GYS2: variants seen among roughly 807,000 people sequenced by gnomAD.
GYS2 encodes the protein glycogen synthase 2.
Under a neutral mutation model 85.6 loss-of-function variants are expected in GYS2, and 80 were observed. The observed-to-expected ratio is 0.93, with a 90% CI of 0.78 to 1.13. The LOEUF (loss-of-function observed/expected upper bound fraction) is 1.13. Ranked by LOEUF, GYS2 falls within the 50% of genes most tolerant of loss-of-function variation. The probability of loss-of-function intolerance (pLI) is 0.00; values close to 1 mark genes in which losing one functional copy is unlikely to be tolerated. For synonymous variants in GYS2, 328 were observed against 300.7 expected, an observed-to-expected ratio of 1.09 and a Z score of -0.94; for missense variants, 881 against 854.9, an observed-to-expected ratio of 1.03 and a Z score of -0.38.
At chr12:21,570,151 C>A (rs552072819) in intron 4 of GYS2, among the ~76,000 whole-genome samples, 1 of 152,304 alleles carries the variant, frequency 6.6e-6, no homozygotes, top group South Asian at 2.1e-4. Flanking sequence ...AGCATTCTTT[C>A]ATGACTGTAA....
chr12:21,546,933 G>GA (rs1944048553), intron 11 of GYS2, among the ~76,000 whole-genome samples: 1 of 152,170 alleles, frequency 6.6e-6, no homozygotes, highest in South Asian at 2.1e-4. Context: ...AAGGGACAGG[G>GA]AAGATGTTCT....
chr12:21,543,764 C>T (rs549252020), intron 12 of GYS2, among the ~76,000 whole-genome samples: 1 of 152,232 alleles, frequency 6.6e-6, no homozygotes, highest in East Asian at 1.9e-4. Context: ...CCCGACAGGC[C>T]CCGATGTGTG....
At position 21,562,601 on chromosome 12, in the gene GYS2, T is replaced by C. The variant is rs1479513981; in HGVS notation, c.1062+317A>G. ...CTTTTCAATTGATTACAAACTCATGTGAGGGAAAAGGGATGTTATAATGAC... is the reference window on the plus strand; with the variant it reads ...CTTTTCAATTGATTACAAACTCATGCGAGGGAAAAGGGATGTTATAATGAC... On this transcript the variant is annotated intron_variant, in intron 7 of 15. Coordinates refer to ENST00000261195, the MANE Select transcript of GYS2 (RefSeq NM_021957.4). 3.4e-5 allele frequency among the ~76,000 whole-genome samples: 5 copies of C among 148,538 alleles called. No homozygotes were observed. In the Admixed American group the frequency reaches 3.4e-4, roughly 10 times the overall value.
chr12:21,567,984 A>G (rs1196966415), intron 5 of GYS2, among the ~76,000 whole-genome samples: 1 of 151,796 alleles, frequency 6.6e-6, no homozygotes, highest in Non-Finnish European at 1.5e-5. Flanking sequence ...GAGGCAGAGA[A>G]TTGCTTGAAC....
chr12:21,556,647 A>T (rs1229000916), intron 11 of GYS2, among the ~76,000 whole-genome samples: 1 of 152,194 alleles, frequency 6.6e-6, no homozygotes, highest in Non-Finnish European at 1.5e-5. Context: ...TTAATCAGAA[A>T]CCGAACTCAG....
chr12:21,569,456 G>C (rs1037803160), intron 4 of GYS2, among the ~76,000 whole-genome samples: 5 of 152,152 alleles, frequency 3.3e-5, no homozygotes, highest in Non-Finnish European at 5.9e-5. Flanking sequence ...TTCACTGAAA[G>C]GGAACCTGAA....
chr12:21,579,223 G>C (rs1021042947), intron 2 of GYS2, among the ~76,000 whole-genome samples: 8 of 152,080 alleles, frequency 5.3e-5, no homozygotes, highest in Non-Finnish European at 1.2e-4. Flanking sequence ...TAGCCTAGTG[G>C]CTTAAAACAA....
Position 21,536,404 on chromosome 12 carries a change from A to G in GYS2, c.*550T>C, listed in dbSNP as rs564113212. 1 of 157,684 alleles carries G rather than the reference A, an allele frequency of 6.3e-6. No homozygotes were observed. The highest frequency in any genetic ancestry group is 1.9e-4 in the East Asian group (1 of 5,382). The allele number at this position is 157,684 out of a possible 1,614,324, so 9.8% of individuals were successfully genotyped here. ...AATGTCCATTAATATGCATCAAAAT[A>G]TGGACTTAGGATAGCTATTCACTCA... is the stretch of plus-strand genomic sequence containing the variant. On this transcript the variant is annotated 3_prime_UTR_variant, in exon 16 of 16. Transcript: ENST00000261195.
chr12:21,574,498 T>C (rs955030812), intron 3 of GYS2, among the ~76,000 whole-genome samples, 172 bp from the exon 4 acceptor site: 1 of 152,226 alleles, frequency 6.6e-6, no homozygotes, highest in Non-Finnish European at 1.5e-5. Flanking sequence ...AGTGGCATGT[T>C]CATTAACCCC....
chr12:21,534,527 G>T (rs1369821063), downstream of GYS2, among the ~76,000 whole-genome samples: 2 of 90,732 alleles, frequency 2.2e-5, no homozygotes, highest in Admixed American at 2.2e-4. Context: ...AAAAGAAAAA[G>T]AAAAAGAAGG....
At chr12:21,559,773 C>A (rs372054485) in intron 8 of GYS2, 63 bp from the exon 9 acceptor site, 1 of 1,009,166 alleles carries the variant, frequency 9.9e-7, no homozygotes, top group African/African-American at 1.6e-5. Context: ...TTATTTGTCA[C>A]GATAATGCTA....
intron 2 of GYS2, among the ~76,000 whole-genome samples, chr12:21,578,185 T>C (rs908883197): frequency 2.0e-5 from 3 of 152,308 alleles, no homozygotes; most frequent in African/African-American, 7.2e-5. Flanking sequence ...CTTTCTCCCC[T>C]TTAAGACCTC....
chr12:21,536,795 C>A lies in GYS2; in HGVS notation c.*159G>T. 1 of 640,178 alleles carries A rather than the reference C, an allele frequency of 1.6e-6. No homozygotes were observed. The highest frequency in any genetic ancestry group is 2.6e-5 in the Admixed American group (1 of 38,984). 39.7% of individuals were successfully genotyped at this position (640,178 alleles called of 1,614,324 possible). A position where few individuals can be genotyped will look rare whatever the true frequency, so the allele number is the denominator to read the frequency against. ...ATAACTTGGATCTTATCCTAAATTA[C>A]AAAATTGTCATTCACTCAATTTCTT... On this transcript the variant is annotated 3_prime_UTR_variant, in exon 16 of 16. Transcript: ENST00000261195.
chr12:21,580,321 G>A (rs372854111), intron 2 of GYS2, 21 bp downstream of exon 2: 6 of 1,600,916 alleles, frequency 3.7e-6, no homozygotes, highest in Non-Finnish European at 5.1e-6. Flanking sequence ...GAATTGCCAA[G>A]TGAAGTGTCA....
At position 21,604,629 on chromosome 12, in the gene GYS2, G is replaced by GT. The variant is rs769000425; in HGVS notation, c.-38dup. On this transcript the variant is annotated 5_prime_UTR_variant, in exon 1 of 16. Transcript: ENST00000261195. ...TCCTCCGAGACTCCTTTGAATTCCT[G>GT]TTTCAATTAGTTGTAATCCCAGGAG... The GT allele has an allele frequency of 6.2e-6, 10 of 1,610,478 alleles. No individual in the cohort carries two copies. The African/African-American group carries it at 1.3e-4, about 22-fold the overall frequency.
intron 1 of GYS2, among the ~76,000 whole-genome samples, chr12:21,600,117 T>G (rs1469648626): frequency 2.6e-5 from 4 of 152,114 alleles, no homozygotes; most frequent in African/African-American, 9.7e-5. Flanking sequence ...GATGGATCTT[T>G]TTGCTTTTGC....
At chr12:21,550,924 A>G (rs2136859152) in intron 11 of GYS2, among the ~76,000 whole-genome samples, 1 of 152,324 alleles carries the variant, frequency 6.6e-6, no homozygotes, top group East Asian at 1.9e-4. Context: ...CCTGGGCGAC[A>G]GAGCGAGACT....
At chr12:21,539,846 A>T (rs1225917986) in intron 14 of GYS2, among the ~76,000 whole-genome samples, 1 of 152,228 alleles carries the variant, frequency 6.6e-6, no homozygotes. Flanking sequence ...AGCATCTCTC[A>T]TTCAGCCAAG....
intron 1 of GYS2, among the ~76,000 whole-genome samples, chr12:21,601,327 A>T (rs1275858696): frequency 6.6e-6 from 1 of 152,072 alleles, no homozygotes; most frequent in Non-Finnish European, 1.5e-5. Flanking sequence ...ACTACTGTGG[A>T]TAGAATTTCA....
Sources: allele counts gnomAD v4.1 joint callset (sites outside exome capture counted in the v4.1 genomes callset), GRCh38; gene constraint gnomAD v4.1.1; transcripts MANE v1.5; gene names NCBI Gene and HGNC (gene_info 2026-07-23, HGNC 2026-07-21).